Variants in DSCAM observed in about 807,000 individuals in gnomAD.
The protein encoded by DSCAM is DS cell adhesion molecule.
In DSCAM, 47 loss-of-function variants were observed where a neutral mutation model predicts 217.7. That is an observed-to-expected ratio of 0.22 (90% CI 0.17 to 0.28). The LOEUF (loss-of-function observed/expected upper bound fraction) is 0.28, where lower values mean the gene tolerates loss of function less well. Among genes scored for constraint, DSCAM ranks in the 10% least tolerant of loss-of-function variants. The pLI, the probability that DSCAM is intolerant of heterozygous loss-of-function variation, is 1.00. For missense variants in DSCAM, 2,080 were observed against 2,618.3 expected, an observed-to-expected ratio of 0.79 and a Z score of 4.49; for synonymous variants, 1,056 against 1,015.3, an observed-to-expected ratio of 1.04 and a Z score of -0.76.
chr21:40,059,285 T>C (rs893965250), intron 28 of DSCAM, among the ~76,000 whole-genome samples: 3 of 152,238 alleles, frequency 2.0e-5, no homozygotes, highest in South Asian at 2.1e-4. Context: ...CCTTAAACAT[T>C]ATATGTTAGC....
At chr21:40,172,184 G>T (rs773092904) in intron 15 of DSCAM, among the ~76,000 whole-genome samples, 2 of 152,162 alleles carry the variant, frequency 1.3e-5, no homozygotes, top group East Asian at 3.9e-4. Flanking sequence ...CAGGATAACC[G>T]CTTGAACCCA....
At chr21:40,351,091 T>C (rs1045454037) in intron 5 of DSCAM, among the ~76,000 whole-genome samples, 1 of 151,886 alleles carries the variant, frequency 6.6e-6, no homozygotes, top group Non-Finnish European at 1.5e-5. Flanking sequence ...ATAGGTCTTT[T>C]GACAAATTAG....
At position 40,552,143 on chromosome 21, in the gene DSCAM, G is replaced by A. The variant is rs140792149; in HGVS notation, c.508+140667C>T. ...AGCCTGGCCAACATAGTGAAACCCCGTCTCTACTAAAAATACAAAAATTAG... is the reference window on the plus strand; with the variant it reads ...AGCCTGGCCAACATAGTGAAACCCCATCTCTACTAAAAATACAAAAATTAG... On this transcript the variant is annotated intron_variant, in intron 3 of 32. Transcript: ENST00000400454. 2.8e-3 allele frequency among the ~76,000 whole-genome samples: 421 copies of A among 152,070 alleles called. 1 individual carries two copies. The highest frequency in any genetic ancestry group is 6.8e-3 in the Middle Eastern group (2 of 294).
chr21:40,424,247 C>T (rs1254341386), intron 3 of DSCAM, among the ~76,000 whole-genome samples: 1 of 152,134 alleles, frequency 6.6e-6, no homozygotes, highest in Non-Finnish European at 1.5e-5. Context: ...CCTGCAGTAT[C>T]TCAAAACATG....
intron 11 of DSCAM, among the ~76,000 whole-genome samples, chr21:40,226,156 A>T (rs2091331071): frequency 6.6e-6 from 1 of 152,192 alleles, no homozygotes; most frequent in South Asian, 2.1e-4. Flanking sequence ...CAGAGCTGGG[A>T]TACAAAGCCA....
At chr21:40,118,611 A>G (rs769627406) in intron 20 of DSCAM, among the ~76,000 whole-genome samples, 10 of 152,156 alleles carry the variant, frequency 6.6e-5, no homozygotes, top group Admixed American at 3.9e-4. Flanking sequence ...CAAAAAAGAC[A>G]TTGCAGAGAG....
chr21:40,673,976 GAAAATA>G (rs1156598200), intron 3 of DSCAM, among the ~76,000 whole-genome samples: 3 of 152,082 alleles, frequency 2.0e-5, no homozygotes, highest in Non-Finnish European at 4.4e-5. Context: ...TCTAAAAAGA[GAAAATA>G]AAAATAAAAA....
chr21:40,727,445 A>G (rs1057437408), intron 1 of DSCAM, among the ~76,000 whole-genome samples: 1 of 152,244 alleles, frequency 6.6e-6, no homozygotes, highest in African/African-American at 2.4e-5. Flanking sequence ...TCCTTAAAAT[A>G]TGAGAGTTTT....
chr21:40,484,309 C>CTTAGT, intron 3 of DSCAM, among the ~76,000 whole-genome samples: 1 of 149,910 alleles, frequency 6.7e-6, no homozygotes, highest in Middle Eastern at 3.4e-3. Flanking sequence ...CTATCTATAC[C>CTTAGT]TTAGCTTGTC....
intron 3 of DSCAM, among the ~76,000 whole-genome samples, chr21:40,399,469 G>T (rs1451566808): frequency 6.6e-6 from 1 of 152,132 alleles, no homozygotes; most frequent in Non-Finnish European, 1.5e-5. Context: ...GGAGAGCCTG[G>T]ATTGTCAATT....
chr21:40,731,739 C>G (rs35074955), intron 1 of DSCAM, among the ~76,000 whole-genome samples: 13,018 of 124,398 alleles, frequency 0.1, 457 homozygotes, highest in Non-Finnish European at 0.15. Flanking sequence ...CCCCCCCCCC[C>G]GCCCCCCGGG....
intron 4 of DSCAM, among the ~76,000 whole-genome samples, chr21:40,366,743 A>G (rs985613077): frequency 6.6e-6 from 1 of 152,114 alleles, no homozygotes; most frequent in Non-Finnish European, 1.5e-5. Context: ...TGAAATGAGT[A>G]TATTTTTCCA....
chr21:40,069,663 G>A (rs937900006), intron 27 of DSCAM, among the ~76,000 whole-genome samples: 1 of 152,150 alleles, frequency 6.6e-6, no homozygotes, highest in Admixed American at 6.5e-5. Context: ...CTTTCTGAGG[G>A]TGGCAGATTT....
intron 1 of DSCAM, among the ~76,000 whole-genome samples, chr21:40,759,983 ATTTATTT>A (rs900351954): frequency 1.4e-5 from 2 of 142,388 alleles, no homozygotes; most frequent in Non-Finnish European, 1.5e-5. Context: ...TTATTTATTT[ATTTATTT>A]ATTTATTTAT....
At chr21:40,326,561 A>G (rs149725720) in intron 8 of DSCAM, among the ~76,000 whole-genome samples, 15 of 152,320 alleles carry the variant, frequency 9.8e-5, no homozygotes, top group African/African-American at 3.1e-4. Flanking sequence ...ACGGGGAACT[A>G]TTTAGTGTTG....
At chr21:40,312,485 T>C in intron 8 of DSCAM, 126 bp from the exon 9 acceptor site, 6 of 1,080,152 alleles carry the variant, frequency 5.6e-6, no homozygotes, top group Non-Finnish European at 1.3e-6. Context: ...ATACAGGAAC[T>C]GTAGCAAATT....
chr21:40,738,018 T>C (rs1031066428), intron 1 of DSCAM, among the ~76,000 whole-genome samples: 6 of 152,180 alleles, frequency 3.9e-5, no homozygotes, highest in Non-Finnish European at 8.8e-5. Context: ...CTTCAAGGGA[T>C]GCTGTGGCTC....
At chr21:40,148,616 C>T (rs944427796) in intron 16 of DSCAM, among the ~76,000 whole-genome samples, 1 of 152,034 alleles carries the variant, frequency 6.6e-6, no homozygotes, top group South Asian at 2.1e-4. Flanking sequence ...ACCATGATGA[C>T]CACCACCACC....
intron 3 of DSCAM, among the ~76,000 whole-genome samples, chr21:40,490,334 A>C (rs989276687): frequency 6.6e-6 from 1 of 152,180 alleles, no homozygotes; most frequent in Admixed American, 6.5e-5. Context: ...ATACACAATA[A>C]ATACAGTATT....
Sources: allele counts gnomAD v4.1 joint callset (sites outside exome capture counted in the v4.1 genomes callset), GRCh38; gene constraint gnomAD v4.1.1; transcripts MANE v1.5; gene names NCBI Gene and HGNC (gene_info 2026-07-23, HGNC 2026-07-21).